ATRNL1: variants seen among roughly 807,000 people sequenced by gnomAD.
The protein encoded by ATRNL1 is attractin-like protein 1.
Under a neutral mutation model 182.7 loss-of-function variants are expected in ATRNL1, and 95 were observed. That is an observed-to-expected ratio of 0.52 (90% CI 0.44 to 0.62). The LOEUF is 0.62. ATRNL1 is among the 20% of genes least tolerant of loss of function. The pLI, the probability that ATRNL1 is intolerant of heterozygous loss-of-function variation, is 0.00. For synonymous variants in ATRNL1, 576 were observed against 568.3 expected (o/e 1.01, Z -0.19); for missense variants, 1,471 against 1,679.5 (o/e 0.88, Z 2.17).
chr10:115,636,114 T>TA (rs1462564094), intron 26 of ATRNL1, among the ~76,000 whole-genome samples: 1 of 152,154 alleles, frequency 6.6e-6, no homozygotes, highest in South Asian at 2.1e-4. Context: ...TTGAGATACT[T>TA]ACGATTTCTC....
intron 26 of ATRNL1, among the ~76,000 whole-genome samples, chr10:115,649,134 CTTTGT>C (rs1191648943): frequency 3.3e-5 from 5 of 152,032 alleles, no homozygotes; most frequent in African/African-American, 1.2e-4. Flanking sequence ...TATAGTGACG[CTTTGT>C]TTTATTTATT....
chr10:115,532,261 G>A lies in ATRNL1; in HGVS notation c.3716+12937G>A, dbSNP rs548036227. Among the ~76,000 whole-genome samples, 19 of 152,308 alleles carry A rather than the reference G, an allele frequency of 1.2e-4. No homozygotes were observed. The East Asian group carries it at 1.7e-3, about 14-fold the overall frequency. On this transcript the variant is annotated intron_variant, in intron 25 of 28. Coordinates refer to ENST00000355044, the MANE Select transcript of ATRNL1 (RefSeq NM_207303.4). ...TGATATTGATTCTTCCTACCCATGA[G>A]CATGGAATGTTCTTCCATTTCTTTG...
At chr10:115,188,412 T>G (rs1554889202) in intron 8 of ATRNL1, among the ~76,000 whole-genome samples, 1 of 152,042 alleles carries the variant, frequency 6.6e-6, no homozygotes, top group African/African-American at 2.4e-5. Context: ...CAGAGGGGAA[T>G]TATGTGGATG....
chr10:115,500,756 G>T (rs2099307991), intron 24 of ATRNL1, among the ~76,000 whole-genome samples: 1 of 151,404 alleles, frequency 6.6e-6, no homozygotes, highest in African/African-American at 2.4e-5. Context: ...GGTCAGGCTG[G>T]TCTCGAACTC....
intron 28 of ATRNL1, among the ~76,000 whole-genome samples, chr10:115,851,026 A>G (rs1229085964): frequency 6.6e-6 from 1 of 152,208 alleles, no homozygotes; most frequent in Non-Finnish European, 1.5e-5. Flanking sequence ...AGCGTTCATT[A>G]TTAAGAGTCT....
intron 19 of ATRNL1, among the ~76,000 whole-genome samples, chr10:115,385,661 T>TG (rs1554952422): frequency 7.5e-6 from 1 of 133,176 alleles, no homozygotes. Context: ...ATTTTTTCTC[T>TG]GTTTTTTTCT....
intron 21 of ATRNL1, among the ~76,000 whole-genome samples, chr10:115,431,628 G>T (rs1846170641): frequency 6.6e-6 from 1 of 151,842 alleles, no homozygotes; most frequent in Admixed American, 6.6e-5. Flanking sequence ...AAAATTAAAA[G>T]TTAGCTCAAT....
intron 25 of ATRNL1, among the ~76,000 whole-genome samples, chr10:115,535,217 C>T (rs1321698823): frequency 6.6e-6 from 1 of 152,076 alleles, no homozygotes; most frequent in Admixed American, 6.5e-5. Flanking sequence ...CAACTTGGCT[C>T]CATTCTCCCC....
chr10:115,940,307 C>T (rs980343559), intron 28 of ATRNL1, among the ~76,000 whole-genome samples: 8 of 152,146 alleles, frequency 5.3e-5, no homozygotes, highest in African/African-American at 4.8e-5. Flanking sequence ...TAATCAAGTC[C>T]TGGCCATTTG....
At chr10:115,530,629 TTTA>T (rs1164681076) in intron 25 of ATRNL1, among the ~76,000 whole-genome samples, 5 of 151,902 alleles carry the variant, frequency 3.3e-5, no homozygotes, top group African/African-American at 9.7e-5. Context: ...AATAAGACTT[TTTA>T]TTATTATTAT....
intron 27 of ATRNL1, among the ~76,000 whole-genome samples, chr10:115,807,066 CCAGGAACTCCAATGA>C (rs1949936009): frequency 6.6e-6 from 1 of 151,416 alleles, no homozygotes; most frequent in Admixed American, 6.6e-5. Flanking sequence ...AAGTGAGTTA[CCAGGAACTCCAATGA>C]ATGCATGTCG....
At chr10:115,474,151 A>G (rs1169353061) in intron 24 of ATRNL1, among the ~76,000 whole-genome samples, 1 of 151,404 alleles carries the variant, frequency 6.6e-6, no homozygotes, top group Non-Finnish European at 1.5e-5. Flanking sequence ...AGGTAGACCT[A>G]GTAGTCATGA....
chr10:115,679,145 T>A (rs1345462046), intron 26 of ATRNL1, among the ~76,000 whole-genome samples: 1 of 152,230 alleles, frequency 6.6e-6, no homozygotes, highest in African/African-American at 2.4e-5. Flanking sequence ...GGAAGGTACT[T>A]CTTTTCCATT....
intron 25 of ATRNL1, among the ~76,000 whole-genome samples, chr10:115,535,497 T>G (rs1851919280): frequency 6.6e-6 from 1 of 150,494 alleles, no homozygotes; most frequent in African/African-American, 2.4e-5. Context: ...GTTATTCTAG[T>G]TATACATTAG....
At chr10:115,633,374 A>G (rs1858645695) in intron 26 of ATRNL1, among the ~76,000 whole-genome samples, 1 of 152,106 alleles carries the variant, frequency 6.6e-6, no homozygotes. Context: ...TGTACATTTG[A>G]TTGTTTGGGA....
rs143370508 is a variant in ATRNL1, at chr10:115,593,482, C to A, written c.3795+43946C>A. On this transcript the variant is annotated intron_variant, in intron 26 of 28. Coordinates refer to ENST00000355044, the MANE Select transcript of ATRNL1 (RefSeq NM_207303.4). The stretch of plus-strand genomic sequence containing the variant: ...ATCTTTGGCAAAGGTGACAAGAACA[C>A]ACAATGGGGGAAAGGACAGTCTCTT... Among the ~76,000 whole-genome samples the A allele has an allele frequency of 8.6e-3, 1,314 of 152,244 alleles. 8 individuals are homozygous for A. The highest frequency in any genetic ancestry group is 0.013 in the Admixed American group (205 of 15,286).
chr10:115,507,712 A>G (rs1011031513), intron 24 of ATRNL1, among the ~76,000 whole-genome samples: 2 of 152,108 alleles, frequency 1.3e-5, no homozygotes, highest in African/African-American at 4.8e-5. Context: ...GGAAATAGTA[A>G]GCACTTTATG....
At chr10:115,528,739 T>G (rs1312890257) in intron 25 of ATRNL1, among the ~76,000 whole-genome samples, 1 of 152,160 alleles carries the variant, frequency 6.6e-6, no homozygotes, top group Non-Finnish European at 1.5e-5. Flanking sequence ...GAGATCTTTC[T>G]TCTTTTTTAG....
chr10:115,250,642 GCTTT>G lies in ATRNL1; in HGVS notation c.1687+8921_1687+8924del, dbSNP rs374935717. On this transcript the variant is annotated intron_variant, in intron 10 of 28. Transcript: ENST00000355044. ...CACAAAGAGGCCTACCAGATGGTTT[GCTTT>G]CTTCTTTGTAATGGGAGTTGCAAGA... Among the ~76,000 whole-genome samples the G allele has an allele frequency of 6.9e-4, 105 of 152,292 alleles. 2 individuals are homozygous for G. In the South Asian group the frequency reaches 0.021, roughly 31 times the overall value.
Sources: allele counts gnomAD v4.1 joint callset (sites outside exome capture counted in the v4.1 genomes callset), GRCh38; gene constraint gnomAD v4.1.1; transcripts MANE v1.5; gene names NCBI Gene and HGNC (gene_info 2026-07-23, HGNC 2026-07-21).